The following CAMKMT variants were observed in gnomAD, a reference collection of about 807,000 sequenced individuals.
CAMKMT encodes the protein CaM KMT.
Under a neutral mutation model 48.0 loss-of-function variants are expected in CAMKMT, and 53 were observed. The ratio of observed to expected loss-of-function variants is 1.10; its 90% CI spans 0.89 to 1.39. The LOEUF (loss-of-function observed/expected upper bound fraction) is 1.39. Ranked by LOEUF, CAMKMT falls within the 40% of genes most tolerant of loss-of-function variation. The pLI is 0.00. For missense variants in CAMKMT, 428 were observed against 402.7 expected (o/e 1.06, Z -0.54); for synonymous variants, 165 against 152.3 (o/e 1.08, Z -0.61).
chr2:44,506,859 T>C lies in CAMKMT; in HGVS notation c.376+116554T>C, dbSNP rs1274368276. ...CTAATATTACTTTAAATAATCAAGG[T>C]ATCATTTTTATCTTGCAAATTTATG... On this transcript the variant is annotated intron_variant, in intron 3 of 10. Transcript: ENST00000378494. 4.6e-5 allele frequency among the ~76,000 whole-genome samples: 7 copies of C among 152,310 alleles called. No individual in the cohort carries two copies. The East Asian group carries it at 1.2e-3, about 25-fold the overall frequency.
chr2:44,548,729 A>AT (rs1036481708), intron 3 of CAMKMT, among the ~76,000 whole-genome samples: 1 of 152,112 alleles, frequency 6.6e-6, no homozygotes, highest in African/African-American at 2.4e-5. Flanking sequence ...GTAGCAAGGA[A>AT]TTTTTTTAGC....
chr2:44,559,385 A>C (rs1486802076), intron 3 of CAMKMT, among the ~76,000 whole-genome samples: 5 of 152,184 alleles, frequency 3.3e-5, no homozygotes, highest in African/African-American at 1.2e-4. Flanking sequence ...AATGTTCTTC[A>C]TCAAGAGCCT....
Position 44,665,955 on chromosome 2 carries a change from C to T in CAMKMT, c.377-38328C>T, listed in dbSNP as rs114320541. Among the ~76,000 whole-genome samples, 692 of 152,240 alleles carry T rather than the reference C, an allele frequency of 4.5e-3. 8 individuals are homozygous for T. The highest frequency in any genetic ancestry group is 0.016 in the African/African-American group (650 of 41,532). On this transcript the variant is annotated intron_variant, in intron 3 of 10. Transcript: ENST00000378494. ...TTTAAAGGTGGCCAAATCACTCACC[C>T]GTCAAACTGACTCAGAGTTAAAGCG...
At chr2:44,409,717 G>C (rs997500307) in intron 3 of CAMKMT, among the ~76,000 whole-genome samples, 1 of 152,026 alleles carries the variant, frequency 6.6e-6, no homozygotes, top group African/African-American at 2.4e-5. Flanking sequence ...TTTAATTGTG[G>C]AATACTCTGT....
At chr2:44,689,046 C>G (rs1044441781) in intron 3 of CAMKMT, among the ~76,000 whole-genome samples, 1 of 152,080 alleles carries the variant, frequency 6.6e-6, no homozygotes, top group Admixed American at 6.6e-5. Flanking sequence ...CAGGAAAATG[C>G]TTTAGAAATC....
chr2:44,557,565 T>A (rs191261077), intron 3 of CAMKMT, among the ~76,000 whole-genome samples: 44 of 152,312 alleles, frequency 2.9e-4, no homozygotes, highest in African/African-American at 1.0e-3. Flanking sequence ...TCTTCCTTCT[T>A]TCCTCCCTCC....
intron 3 of CAMKMT, among the ~76,000 whole-genome samples, chr2:44,578,447 GT>G (rs1558717063): frequency 6.6e-6 from 1 of 152,042 alleles, no homozygotes; most frequent in African/African-American, 2.4e-5. Flanking sequence ...CCTTATTTGA[GT>G]GTAGATCTGC....
chr2:44,458,042 C>CTTTTTTTTTTTTTTTTTTTTTTTT (rs541348745), intron 3 of CAMKMT, among the ~76,000 whole-genome samples: 2 of 75,396 alleles, frequency 2.7e-5, no homozygotes, highest in Non-Finnish European at 4.9e-5. Flanking sequence ...AGCTTTGTGA[C>CTTTTTTTTTTTTTTTTTTTTTTTT]TTTTTTTTTT....
chr2:44,542,537 A>ACACACACACT (rs1237950640), intron 3 of CAMKMT, among the ~76,000 whole-genome samples: 3 of 67,984 alleles, frequency 4.4e-5, no homozygotes, highest in African/African-American at 1.1e-4. Flanking sequence ...ACACACACAC[A>ACACACACACT]CTCTCTCTCT....
At chr2:44,421,510 A>G (rs531939801) in intron 3 of CAMKMT, among the ~76,000 whole-genome samples, 51 of 152,320 alleles carry the variant, frequency 3.3e-4, no homozygotes, top group Middle Eastern at 3.4e-3. Flanking sequence ...TTAAAAGATG[A>G]CATCGCTACT....
chr2:44,471,662 A>C (rs1452318122), intron 3 of CAMKMT, among the ~76,000 whole-genome samples: 1 of 152,264 alleles, frequency 6.6e-6, no homozygotes, highest in Non-Finnish European at 1.5e-5. Context: ...TAGATGGTAT[A>C]GCTTAAGCAT....
In CAMKMT at chr2:44,518,789, A is replaced by T. The variant is rs137909704; in HGVS notation, c.376+128484A>T. 1.1e-3 allele frequency among the ~76,000 whole-genome samples: 175 copies of T among 152,356 alleles called. 1 individual carries two copies. The highest frequency in any genetic ancestry group is 4.1e-3 in the African/African-American group (170 of 41,588). ...GGCTTAGCTAGGTAGACGTACCCAG[A>T]TGAAATCAAGTGAGTGCATATTCAT... On this transcript the variant is annotated intron_variant, in intron 3 of 10. Coordinates refer to ENST00000378494, the MANE Select transcript of CAMKMT (RefSeq NM_024766.5).
intron 3 of CAMKMT, among the ~76,000 whole-genome samples, chr2:44,697,204 T>C (rs116109201): frequency 1.6e-4 from 25 of 152,262 alleles, no homozygotes; most frequent in African/African-American, 6.0e-4. Context: ...ATGCAAGTTC[T>C]TAAACATTTA....
intron 3 of CAMKMT, among the ~76,000 whole-genome samples, chr2:44,578,339 G>A (rs1327640953): frequency 1.3e-5 from 2 of 152,088 alleles, no homozygotes; most frequent in Admixed American, 6.5e-5. Context: ...GTATTAATTC[G>A]ATGTATTCAT....
At chr2:44,517,470 A>G (rs987055809) in intron 3 of CAMKMT, among the ~76,000 whole-genome samples, 26 of 152,240 alleles carry the variant, frequency 1.7e-4, no homozygotes, top group Non-Finnish European at 3.7e-4. Flanking sequence ...CTGAAGGAAC[A>G]AAAACCAAAG....
intron 3 of CAMKMT, among the ~76,000 whole-genome samples, chr2:44,668,365 G>T (rs139190855): frequency 2.0e-5 from 3 of 152,018 alleles, no homozygotes; most frequent in African/African-American, 7.2e-5. Flanking sequence ...AGCTCTCCTC[G>T]CCAGCTTAAG....
intron 3 of CAMKMT, among the ~76,000 whole-genome samples, chr2:44,626,692 CT>C (rs1269821878): frequency 6.6e-6 from 1 of 152,088 alleles, no homozygotes; most frequent in Non-Finnish European, 1.5e-5. Context: ...GAGCTTCACC[CT>C]CATGACTTAA....
chr2:44,507,195 A>C (rs1670306479), intron 3 of CAMKMT, among the ~76,000 whole-genome samples: 1 of 152,090 alleles, frequency 6.6e-6, no homozygotes, highest in South Asian at 2.1e-4. Flanking sequence ...TAATGGCTAA[A>C]TTTTCTTCTA....
intron 3 of CAMKMT, among the ~76,000 whole-genome samples, chr2:44,514,830 C>T (rs1670755950): frequency 6.6e-6 from 1 of 152,202 alleles, no homozygotes; most frequent in African/African-American, 2.4e-5. Flanking sequence ...GATTCTTCCC[C>T]ATATCCTTCC....
Sources: allele counts gnomAD v4.1 joint callset (sites outside exome capture counted in the v4.1 genomes callset), GRCh38; gene constraint gnomAD v4.1.1; transcripts MANE v1.5; gene names NCBI Gene and HGNC (gene_info 2026-07-23, HGNC 2026-07-21).